Variants in ARSB observed in about 807,000 individuals in gnomAD.
The protein encoded by ARSB is N-acetylgalactosamine-4-sulfatase.
A neutral mutation model predicts 50.9 loss-of-function variants in ARSB; 41 were observed. The observed-to-expected ratio is 0.81, with a 90% CI of 0.63 to 1.04. The LOEUF is 1.04. Ranked by LOEUF, ARSB falls within the 50% of genes least tolerant of loss-of-function variation. The probability of loss-of-function intolerance (pLI) is 0.00; values close to 1 mark genes in which losing one functional copy is unlikely to be tolerated. For synonymous variants in ARSB, 269 were observed against 284.8 expected, an observed-to-expected ratio of 0.94 and a Z score of 0.56; for missense variants, 672 against 693.3, an observed-to-expected ratio of 0.97 and a Z score of 0.35.
chr5:78,976,424 C>T (rs1160072882), intron 1 of ARSB, among the ~76,000 whole-genome samples: 2 of 151,788 alleles, frequency 1.3e-5, no homozygotes, highest in African/African-American at 4.8e-5. Flanking sequence ...GCCCCCGGGT[C>T]TCAACCTCAG....
intron 6 of ARSB, among the ~76,000 whole-genome samples, chr5:78,835,587 T>A (rs1744915080): frequency 6.6e-6 from 1 of 152,164 alleles, no homozygotes; most frequent in African/African-American, 2.4e-5. Context: ...TAATTCAAAT[T>A]CCTCTAGTGC....
chr5:78,861,885 T>C (rs1187524968), intron 5 of ARSB, among the ~76,000 whole-genome samples: 1 of 152,112 alleles, frequency 6.6e-6, no homozygotes, highest in Non-Finnish European at 1.5e-5. Flanking sequence ...GCCCAAAATC[T>C]CCTTAAGCTG....
chr5:78,911,806 C>T (rs1239567220), intron 4 of ARSB, among the ~76,000 whole-genome samples: 1 of 152,014 alleles, frequency 6.6e-6, no homozygotes, highest in African/African-American at 2.4e-5. Flanking sequence ...AATCTCAATA[C>T]AAAGACAATG....
At chr5:78,863,167 A>G (rs909477951) in intron 5 of ARSB, among the ~76,000 whole-genome samples, 1 of 152,204 alleles carries the variant, frequency 6.6e-6, no homozygotes, top group African/African-American at 2.4e-5. Flanking sequence ...TGGGAGTGTA[A>G]ACTAGTTCAA....
chr5:78,985,337 C>G (rs760850363), upstream of ARSB: 23 of 1,164,942 alleles, frequency 2.0e-5, no homozygotes, highest in Non-Finnish European at 2.3e-5. Context: ...GGGGCCTGCT[C>G]CGCCCCGGCG....
intron 5 of ARSB, among the ~76,000 whole-genome samples, chr5:78,863,789 G>A (rs954989727): frequency 1.3e-5 from 2 of 151,842 alleles, no homozygotes; most frequent in South Asian, 2.1e-4. Flanking sequence ...TCACTTCATA[G>A]TCTTTGCATG....
At position 78,985,016 on chromosome 5, in the gene ARSB, C is replaced by T; in HGVS notation, c.233G>A (p.Gly78Asp). Reference sequence around the variant, plus strand: ...GTAGTAGTTGTCCAGGAGCACCCCGCCGGCCGCCAGCGCGTCCAGGTGCGG... The same window carrying T: ...GTAGTAGTTGTCCAGGAGCACCCCGTCGGCCGCCAGCGCGTCCAGGTGCGG... Reference protein sequence around the residue: ...RTPHLDALAAGGVLLDNYYTQ... With the variant: ...RTPHLDALAADGVLLDNYYTQ... The change falls in exon 1 of 8, where the codon GGC becomes GAC. Residue 78 changes from glycine to aspartate, a missense_variant. Physicochemically the swap from Gly to Asp is moderately conservative, Grantham distance 94. Transcript: ENST00000264914. 1 of 1,539,704 alleles carries T rather than the reference C, an allele frequency of 6.5e-7. No homozygotes were observed.
At chr5:78,952,065 A>G (rs1311779035) in intron 4 of ARSB, among the ~76,000 whole-genome samples, 1 of 152,210 alleles carries the variant, frequency 6.6e-6, no homozygotes, top group Non-Finnish European at 1.5e-5. Context: ...ATGATCCAAG[A>G]TTAAGATATC....
At chr5:78,909,595 C>T (rs574493259) in intron 4 of ARSB, among the ~76,000 whole-genome samples, 1 of 152,258 alleles carries the variant, frequency 6.6e-6, no homozygotes, top group South Asian at 2.1e-4. Flanking sequence ...TGTTTACAGG[C>T]AGTATGTTTG....
At chr5:78,942,250 TA>T (rs965566954) in intron 4 of ARSB, among the ~76,000 whole-genome samples, 441 of 152,330 alleles carry the variant, frequency 2.9e-3, no homozygotes, top group African/African-American at 9.9e-3. Context: ...GATTCATTGA[TA>T]TTTTGAAGGG....
chr5:78,856,187 T>C (rs1433800204), intron 5 of ARSB, among the ~76,000 whole-genome samples: 3 of 152,166 alleles, frequency 2.0e-5, no homozygotes, highest in Non-Finnish European at 4.4e-5. Flanking sequence ...TTGGCACCCT[T>C]GTCAAAAATG....
Position 78,819,133 on chromosome 5 carries a change from G to A in ARSB, c.1213+20223C>T, listed in dbSNP as rs555124815. 2.6e-5 allele frequency among the ~76,000 whole-genome samples: 4 copies of A among 152,302 alleles called. No individual in the cohort carries two copies. The East Asian group carries it at 5.8e-4, about 22-fold the overall frequency. On this transcript the variant is annotated intron_variant, in intron 6 of 7. Coordinates refer to ENST00000264914, the MANE Select transcript of ARSB (RefSeq NM_000046.5). ...TGATCCAGGGAGAAAAGGGCCAGGCGGCAGTTGCCACTCAGTCTGCTTCTG... is the reference window on the plus strand; with the variant it reads ...TGATCCAGGGAGAAAAGGGCCAGGCAGCAGTTGCCACTCAGTCTGCTTCTG...
Position 78,876,788 on chromosome 5 carries a change from T to C in ARSB, c.1142+8796A>G, listed in dbSNP as rs1323006519. ...TACCCATCTGTGGCCTATTAGGAAC[T>C]GGACCTCACAGCAGGAGGTGAGCGG... On this transcript the variant is annotated intron_variant, in intron 5 of 7. Coordinates refer to ENST00000264914, the MANE Select transcript of ARSB (RefSeq NM_000046.5). Among the ~76,000 whole-genome samples, 4 of 152,330 alleles carry C rather than the reference T, an allele frequency of 2.6e-5. No homozygotes were observed. The East Asian group carries it at 7.7e-4, about 29-fold the overall frequency.
chr5:78,919,654 G>A lies in ARSB; in HGVS notation c.899-33827C>T, dbSNP rs556605562. On this transcript the variant is annotated intron_variant, in intron 4 of 7. Coordinates refer to ENST00000264914, the MANE Select transcript of ARSB (RefSeq NM_000046.5). ...ATTACAGGTGTGTGCCACCACACCCGGATAATTTTTGTATTTTTAGTAGAG... is the reference window on the plus strand; with the variant it reads ...ATTACAGGTGTGTGCCACCACACCCAGATAATTTTTGTATTTTTAGTAGAG... Among the ~76,000 whole-genome samples, 5 of 151,986 alleles carry A rather than the reference G, an allele frequency of 3.3e-5. No individual in the cohort carries two copies. In the East Asian group the frequency reaches 5.8e-4, roughly 18 times the overall value.
At chr5:78,934,013 G>C (rs1750471363) in intron 4 of ARSB, among the ~76,000 whole-genome samples, 1 of 152,166 alleles carries the variant, frequency 6.6e-6, no homozygotes, top group South Asian at 2.1e-4. Context: ...AAAGAATAAG[G>C]GGAAGCCTCC....
chr5:78,856,858 C>T (rs928244916), intron 5 of ARSB, among the ~76,000 whole-genome samples: 2 of 152,196 alleles, frequency 1.3e-5, no homozygotes, highest in Non-Finnish European at 2.9e-5. Context: ...TGACCAATTT[C>T]TGAAGACATC....
At chr5:78,877,991 G>T (rs1231103872) in intron 5 of ARSB, among the ~76,000 whole-genome samples, 1 of 152,064 alleles carries the variant, frequency 6.6e-6, no homozygotes, top group Non-Finnish European at 1.5e-5. Flanking sequence ...AAAATACATT[G>T]CATGAAATTG....
chr5:78,921,087 C>T (rs756080367), intron 4 of ARSB, among the ~76,000 whole-genome samples: 78 of 152,146 alleles, frequency 5.1e-4, no homozygotes, highest in South Asian at 2.1e-4. Context: ...AAAACCTGGA[C>T]GCTCAATGAC....
chr5:78,865,000 C>G (rs1746640633), intron 5 of ARSB, among the ~76,000 whole-genome samples: 1 of 152,324 alleles, frequency 6.6e-6, no homozygotes, highest in Non-Finnish European at 1.5e-5. Flanking sequence ...TGGCTGCTTT[C>G]ATGGGCTGGC....
Sources: gnomAD v4.1 joint callset for allele counts (sites outside exome capture counted in the v4.1 genomes callset) on GRCh38, gnomAD v4.1.1 for gene constraint, MANE v1.5 for transcripts, NCBI Gene and HGNC (gene_info 2026-07-23, HGNC 2026-07-21) for gene names.